Variants in MAPKAP1 observed in about 807,000 individuals in gnomAD.
MAPKAP1 encodes MAPK associated protein 1, also known as target of rapamycin complex 2 subunit MAPKAP1.
Under a neutral mutation model 65.7 loss-of-function variants are expected in MAPKAP1, and 20 were observed. The observed-to-expected ratio is 0.30, with a 90% CI of 0.21 to 0.44. The LOEUF (loss-of-function observed/expected upper bound fraction) is 0.44, where lower values mean the gene tolerates loss of function less well. Among genes scored for constraint, MAPKAP1 ranks in the 20% least tolerant of loss-of-function variants. The probability of loss-of-function intolerance (pLI) is 1.00; values close to 1 mark genes in which losing one functional copy is unlikely to be tolerated. For missense variants in MAPKAP1, 423 were observed against 648.0 expected, an observed-to-expected ratio of 0.65 and a Z score of 3.77; for synonymous variants, 222 against 244.3, an observed-to-expected ratio of 0.91 and a Z score of 0.85.
At chr9:125,471,318 G>C (rs537644859) in intron 9 of MAPKAP1, 2 of 152,632 alleles carry the variant, frequency 1.3e-5, no homozygotes, top group African/African-American at 4.8e-5. Context: ...GGAGCCCTCG[G>C]TAGTCTTCTT....
At chr9:125,641,552 T>C (rs1348160348) in intron 4 of MAPKAP1, among the ~76,000 whole-genome samples, 1 of 152,148 alleles carries the variant, frequency 6.6e-6, no homozygotes, top group East Asian at 1.9e-4. Flanking sequence ...TTCATTATTA[T>C]TGTGACAATT....
chr9:125,681,916 C>T (rs1588069908), intron 1 of MAPKAP1, among the ~76,000 whole-genome samples: 2 of 152,124 alleles, frequency 1.3e-5, no homozygotes, highest in South Asian at 2.1e-4. Context: ...AGCACCACCA[C>T]ACCCAGCTAA....
Position 125,464,539 on chromosome 9 carries a change from CTT to C in MAPKAP1, c.1345+3431_1345+3432del, listed in dbSNP as rs1284038594. On this transcript the variant is annotated intron_variant, in intron 10 of 11. Transcript: ENST00000265960. ...GTGATACACAGATTCTCAAATAACTCTTTTAAGAATTCATATTTATATGTACA... is the reference window on the plus strand; with the variant it reads ...GTGATACACAGATTCTCAAATAACTCTTAAGAATTCATATTTATATGTACA... Among the ~76,000 whole-genome samples the C allele has an allele frequency of 7.2e-5, 11 of 152,092 alleles. No homozygotes were observed. In the East Asian group the frequency reaches 1.5e-3, roughly 21 times the overall value.
intron 1 of MAPKAP1, among the ~76,000 whole-genome samples, chr9:125,692,159 C>T (rs1835189333): frequency 6.6e-6 from 1 of 152,192 alleles, no homozygotes; most frequent in Non-Finnish European, 1.5e-5. Flanking sequence ...AACTCCACTC[C>T]TAGGAATATA....
At chr9:125,701,534 C>G (rs935061739) in intron 1 of MAPKAP1, among the ~76,000 whole-genome samples, 4 of 152,194 alleles carry the variant, frequency 2.6e-5, no homozygotes, top group African/African-American at 9.6e-5. Flanking sequence ...TTAGTGGTAT[C>G]CGCATATTCA....
At chr9:125,448,397 G>A (rs1053318786) in intron 10 of MAPKAP1, among the ~76,000 whole-genome samples, 2 of 152,298 alleles carry the variant, frequency 1.3e-5, no homozygotes, top group Middle Eastern at 6.8e-3. Flanking sequence ...ATGCCACATA[G>A]TAAATTTCCA....
At chr9:125,658,998 C>T (rs564624950) in intron 3 of MAPKAP1, among the ~76,000 whole-genome samples, 9 of 152,224 alleles carry the variant, frequency 5.9e-5, no homozygotes, top group African/African-American at 1.9e-4. Context: ...ACCTGTAATC[C>T]TAGCACTTTG....
intron 1 of MAPKAP1, among the ~76,000 whole-genome samples, chr9:125,676,419 A>G (rs1428257251): frequency 4.6e-5 from 7 of 152,254 alleles, no homozygotes; most frequent in Non-Finnish European, 7.3e-5. Flanking sequence ...AATGTGGTAT[A>G]TAACGATGGA....
intron 10 of MAPKAP1, among the ~76,000 whole-genome samples, chr9:125,458,804 C>T (rs112414757): frequency 0.012 from 1,685 of 140,214 alleles, 37 homozygotes; most frequent in African/African-American, 0.042. Flanking sequence ...CGGGCAGAGG[C>T]GCCCCTCACC....
chr9:125,492,188 G>A (rs1430374591), intron 8 of MAPKAP1, among the ~76,000 whole-genome samples: 1 of 152,180 alleles, frequency 6.6e-6, no homozygotes, highest in Non-Finnish European at 1.5e-5. Flanking sequence ...GCGAGACCTG[G>A]CGACAGGGCA....
intron 7 of MAPKAP1, among the ~76,000 whole-genome samples, chr9:125,530,332 A>G (rs1829900170): frequency 6.6e-6 from 1 of 152,230 alleles, no homozygotes; most frequent in Non-Finnish European, 1.5e-5. Flanking sequence ...GCAACACTCT[A>G]ATCCTGTCTG....
chr9:125,524,936 A>G (rs1273816614), intron 7 of MAPKAP1, among the ~76,000 whole-genome samples: 1 of 152,086 alleles, frequency 6.6e-6, no homozygotes, highest in Non-Finnish European at 1.5e-5. Flanking sequence ...CTACACGTGC[A>G]CTCCTATGTT....
At chr9:125,456,715 C>G (rs1424498949) in intron 10 of MAPKAP1, among the ~76,000 whole-genome samples, 1 of 152,178 alleles carries the variant, frequency 6.6e-6, no homozygotes, top group African/African-American at 2.4e-5. Context: ...GAAGTAAACT[C>G]TGCCAGCAAC....
intron 7 of MAPKAP1, among the ~76,000 whole-genome samples, chr9:125,540,103 TA>T (rs1331425821): frequency 6.6e-6 from 1 of 152,214 alleles, no homozygotes; most frequent in Non-Finnish European, 1.5e-5. Flanking sequence ...CAGTCTATCC[TA>T]AAAAGCAAAA....
intron 5 of MAPKAP1, among the ~76,000 whole-genome samples, chr9:125,563,803 G>A (rs1022847443): frequency 2.6e-5 from 4 of 152,034 alleles, no homozygotes; most frequent in African/African-American, 4.8e-5. Context: ...TGAAACCTCT[G>A]CCTCCCAGTT....
At chr9:125,467,328 T>C (rs1323368659) in intron 10 of MAPKAP1, among the ~76,000 whole-genome samples, 1 of 152,234 alleles carries the variant, frequency 6.6e-6, no homozygotes, top group Non-Finnish European at 1.5e-5. Flanking sequence ...ATCTAAATGC[T>C]ACACCCAATT....
intron 9 of MAPKAP1, 151 bp downstream of exon 9, chr9:125,484,292 G>T: frequency 1.3e-6 from 1 of 742,530 alleles, no homozygotes; most frequent in Non-Finnish European, 2.0e-6. Context: ...GAAAAAGGAT[G>T]TACTTCAAAT....
At chr9:125,689,591 T>C (rs973008711) in intron 1 of MAPKAP1, among the ~76,000 whole-genome samples, 2 of 131,642 alleles carry the variant, frequency 1.5e-5, no homozygotes, top group Admixed American at 7.9e-5. Context: ...TACAAAAAAT[T>C]AGCTGGGCGT....
intron 1 of MAPKAP1, among the ~76,000 whole-genome samples, chr9:125,685,175 A>AG (rs1384738981): frequency 2.6e-5 from 4 of 152,188 alleles, no homozygotes; most frequent in Non-Finnish European, 5.9e-5. Flanking sequence ...CCCTCATGGC[A>AG]GGACAAAGAA....
Sources: gnomAD v4.1 joint callset for allele counts (sites outside exome capture counted in the v4.1 genomes callset) on GRCh38, gnomAD v4.1.1 for gene constraint, MANE v1.5 for transcripts, NCBI Gene and HGNC (gene_info 2026-07-23, HGNC 2026-07-21) for gene names.